KCNJ6: variants seen among roughly 807,000 people sequenced by gnomAD.
The protein encoded by KCNJ6 is G protein-activated inward rectifier potassium channel 2.
Under a neutral mutation model 34.2 loss-of-function variants are expected in KCNJ6, and 9 were observed. That is an observed-to-expected ratio of 0.26 (90% CI 0.16 to 0.46). The LOEUF (loss-of-function observed/expected upper bound fraction) is 0.46, where lower values mean the gene tolerates loss of function less well. KCNJ6 is among the 20% of genes least tolerant of loss of function. The pLI, the probability that KCNJ6 is intolerant of heterozygous loss-of-function variation, is 1.00. For missense variants in KCNJ6, 236 were observed against 531.3 expected (o/e 0.44, Z 5.46); for synonymous variants, 196 against 207.1 (o/e 0.95, Z 0.46).
chr21:37,847,707 T>C lies in KCNJ6; in HGVS notation c.-27-6998A>G, dbSNP rs527293317. Among the ~76,000 whole-genome samples the C allele has an allele frequency of 3.7e-5, 5 of 133,956 alleles. No individual in the cohort carries two copies. The East Asian group carries it at 1.1e-3, about 29-fold the overall frequency. 87.9% of individuals were successfully genotyped at this position (133,956 alleles called of 152,430 possible). ...CCAGAAGGGTTCTACAGGACATCGA[T>C]AGAAAGAGGAACAGAGGGAGCAAAG... is the stretch of plus-strand genomic sequence containing the variant. On this transcript the variant is annotated intron_variant, in intron 1 of 3. Transcript: ENST00000609713.
chr21:37,883,225 ACT>A (rs1183134129), intron 1 of KCNJ6, among the ~76,000 whole-genome samples: 1 of 151,790 alleles, frequency 6.6e-6, no homozygotes, highest in Non-Finnish European at 1.5e-5. Flanking sequence ...GAGTTGATAA[ACT>A]CTTTTCTAGA....
At chr21:37,821,717 T>C (rs2055373983) in intron 2 of KCNJ6, among the ~76,000 whole-genome samples, 1 of 152,240 alleles carries the variant, frequency 6.6e-6, no homozygotes. Context: ...TTTTCCTAAA[T>C]GTATTGTATA....
intron 1 of KCNJ6, among the ~76,000 whole-genome samples, chr21:37,911,802 G>A (rs888113846): frequency 1.3e-5 from 2 of 152,072 alleles, no homozygotes; most frequent in African/African-American, 4.8e-5. Context: ...AGGTTTACAT[G>A]GTCAACATTA....
intron 2 of KCNJ6, among the ~76,000 whole-genome samples, chr21:37,784,237 C>T (rs975878315): frequency 4.6e-5 from 7 of 152,302 alleles, no homozygotes; most frequent in South Asian, 2.1e-4. Flanking sequence ...ACTGTGTGCC[C>T]GGCTGCACGA....
Position 37,780,065 on chromosome 21 carries a change from G to A in KCNJ6, c.25+60593C>T, listed in dbSNP as rs535433358. 7.9e-5 allele frequency among the ~76,000 whole-genome samples: 12 copies of A among 152,214 alleles called. No homozygotes were observed. The South Asian group carries it at 2.1e-3, about 26-fold the overall frequency. The stretch of plus-strand genomic sequence containing the variant: ...CCTATTTGAGGTTGGGAGAGAAAGC[G>A]TGGATAAGAATTATTACCTTGAAAA... On this transcript the variant is annotated intron_variant, in intron 2 of 3. Coordinates refer to ENST00000609713, the MANE Select transcript of KCNJ6 (RefSeq NM_002240.5).
intron 2 of KCNJ6, among the ~76,000 whole-genome samples, chr21:37,789,596 T>C (rs1294632514): frequency 6.6e-6 from 1 of 152,208 alleles, no homozygotes. Context: ...CCCTCTGAGA[T>C]GACACACTTG....
intron 2 of KCNJ6, among the ~76,000 whole-genome samples, chr21:37,752,534 G>C (rs995702239): frequency 2.0e-5 from 3 of 152,152 alleles, no homozygotes; most frequent in Non-Finnish European, 4.4e-5. Context: ...GAGAGGGAAA[G>C]AGAGGAGAAA....
chr21:37,667,622 AGGCACCGG>A (rs1275106142), intron 3 of KCNJ6, among the ~76,000 whole-genome samples: 1 of 78,324 alleles, frequency 1.3e-5, no homozygotes, highest in Admixed American at 1.4e-4. Context: ...CTGGGGTAGC[AGGCACCGG>A]GGTAGCAGGT....
At chr21:37,680,061 C>A (rs1463187681) in intron 3 of KCNJ6, among the ~76,000 whole-genome samples, 2 of 152,150 alleles carry the variant, frequency 1.3e-5, no homozygotes, top group Non-Finnish European at 2.9e-5. Flanking sequence ...GCAAATCATG[C>A]CTTTTTTCCT....
intron 2 of KCNJ6, among the ~76,000 whole-genome samples, chr21:37,836,511 T>C (rs946151960): frequency 6.6e-6 from 1 of 152,120 alleles, no homozygotes; most frequent in Non-Finnish European, 1.5e-5. Flanking sequence ...AATGATAGAC[T>C]GGATAAAGAA....
intron 1 of KCNJ6, among the ~76,000 whole-genome samples, chr21:37,868,206 G>A (rs1472582240): frequency 6.6e-6 from 1 of 152,176 alleles, no homozygotes; most frequent in Non-Finnish European, 1.5e-5. Flanking sequence ...TAAATACGGT[G>A]GAGGGTAGCA....
intron 1 of KCNJ6, among the ~76,000 whole-genome samples, chr21:37,894,565 T>G (rs1481859763): frequency 6.6e-6 from 1 of 152,042 alleles, no homozygotes; most frequent in Admixed American, 6.6e-5. Flanking sequence ...CTTGGGAGGC[T>G]GAGGCAGAGA....
chr21:37,747,115 A>G (rs743292), intron 2 of KCNJ6, among the ~76,000 whole-genome samples: 57,618 of 152,104 alleles, frequency 0.38, 12,543 homozygotes, highest in Non-Finnish European at 0.48. Context: ...AGGAAGGGGA[A>G]TGGAGGCAGA....
At chr21:37,879,937 A>G (rs911051250) in intron 1 of KCNJ6, among the ~76,000 whole-genome samples, 2 of 152,104 alleles carry the variant, frequency 1.3e-5, no homozygotes, top group African/African-American at 4.8e-5. Flanking sequence ...GTTTTTATAG[A>G]AATTTACACC....
intron 2 of KCNJ6, among the ~76,000 whole-genome samples, chr21:37,722,567 C>T (rs149312436): frequency 8.9e-4 from 136 of 152,254 alleles, no homozygotes; most frequent in East Asian, 5.2e-3. Context: ...CAAAACAGCA[C>T]GGTACTGGTA....
Position 37,861,542 on chromosome 21 carries a change from A to C in KCNJ6, c.-27-20833T>G, listed in dbSNP as rs75977089. On this transcript the variant is annotated intron_variant, in intron 1 of 3. Coordinates refer to ENST00000609713, the MANE Select transcript of KCNJ6 (RefSeq NM_002240.5). The stretch of plus-strand genomic sequence containing the variant: ...ACTTCAACATACAAATTTTGAGGGC[A>C]TGCAATTTAGCCCCTAACATCTGGA... Among the ~76,000 whole-genome samples the C allele has an allele frequency of 7.8e-3, 1,188 of 152,320 alleles. 8 individuals are homozygous for C. The highest frequency in any genetic ancestry group is 0.013 in the Non-Finnish European group (867 of 68,022).
intron 3 of KCNJ6, among the ~76,000 whole-genome samples, chr21:37,683,982 A>G (rs1443903859): frequency 6.6e-6 from 1 of 152,230 alleles, no homozygotes; most frequent in Non-Finnish European, 1.5e-5. Context: ...AACAGAGGAA[A>G]GATGTTCTGT....
At chr21:37,823,759 G>T (rs1209344560) in intron 2 of KCNJ6, among the ~76,000 whole-genome samples, 1 of 152,166 alleles carries the variant, frequency 6.6e-6, no homozygotes, top group Non-Finnish European at 1.5e-5. Flanking sequence ...GTTCTTCATA[G>T]CAGTGTAAAA....
intron 1 of KCNJ6, among the ~76,000 whole-genome samples, chr21:37,910,249 C>T (rs529807776): frequency 9.9e-5 from 15 of 152,234 alleles, no homozygotes; most frequent in Admixed American, 4.6e-4. Flanking sequence ...ACACCTAGAC[C>T]TTGATGCAGA....
Sources: allele counts gnomAD v4.1 joint callset (sites outside exome capture counted in the v4.1 genomes callset), GRCh38; gene constraint gnomAD v4.1.1; transcripts MANE v1.5; gene names NCBI Gene and HGNC (gene_info 2026-07-23, HGNC 2026-07-21).